The following IRGM variants were observed in gnomAD, a reference collection of about 807,000 sequenced individuals.
IRGM encodes the protein immunity-related GTPase family M protein.
For synonymous variants in IRGM, 98 were observed against 80.6 expected (o/e 1.22, Z -1.16); for missense variants, 288 against 219.9 (o/e 1.31, Z -1.96).
chr5:150,869,307 C>T (rs1754248662), intron 1 of IRGM, among the ~76,000 whole-genome samples: 1 of 152,080 alleles, frequency 6.6e-6, no homozygotes, highest in Admixed American at 6.5e-5. Flanking sequence ...ATTAAACTAT[C>T]CCTGTGTCCC....
chr5:150,873,353 C>T (rs182539880), intron 1 of IRGM, among the ~76,000 whole-genome samples: 127 of 152,292 alleles, frequency 8.3e-4, no homozygotes, highest in Non-Finnish European at 1.6e-3. Context: ...CCTAGAACCC[C>T]TTCAATGAAG....
chr5:150,868,123 T>C (rs1754232648), intron 1 of IRGM, among the ~76,000 whole-genome samples: 1 of 152,218 alleles, frequency 6.6e-6, no homozygotes, highest in Non-Finnish European at 1.5e-5. Context: ...CTTAAGTCTT[T>C]GATCCATCTT....
At chr5:150,888,590 G>A (rs1046617009) in intron 3 of IRGM, among the ~76,000 whole-genome samples, 9 of 151,816 alleles carry the variant, frequency 5.9e-5, no homozygotes, top group Non-Finnish European at 1.3e-4. Context: ...GCAAAAGAAC[G>A]AAAATTATAC....
chr5:150,889,909 TATA>T (rs2113298601), intron 3 of IRGM, among the ~76,000 whole-genome samples: 1 of 152,234 alleles, frequency 6.6e-6, no homozygotes, highest in Admixed American at 6.6e-5. Context: ...TTATCCTTTT[TATA>T]TAATGTGATA....
At chr5:150,864,321 A>G (rs1170593611) in intron 1 of IRGM, among the ~76,000 whole-genome samples, 1 of 152,016 alleles carries the variant, frequency 6.6e-6, no homozygotes, top group East Asian at 1.9e-4. Context: ...TCATTTCCTT[A>G]TTAAAATTAA....
chr5:150,860,511 G>A (rs1032249789), intron 1 of IRGM, among the ~76,000 whole-genome samples: 6 of 152,186 alleles, frequency 3.9e-5, no homozygotes, highest in African/African-American at 1.4e-4. Flanking sequence ...ATGCCCATGT[G>A]TACGCTGTTA....
chr5:150,881,476 T>A (rs185070970), intron 3 of IRGM, among the ~76,000 whole-genome samples: 321 of 152,092 alleles, frequency 2.1e-3, no homozygotes, highest in African/African-American at 7.4e-3. Flanking sequence ...AAAAAAATGC[T>A]AAAGAGAGTT....
chr5:150,894,448 G>A (rs945287276), intron 3 of IRGM: 4 of 152,146 alleles, frequency 2.6e-5, no homozygotes, highest in African/African-American at 9.7e-5. Context: ...ATAAATCCAA[G>A]TATTAAAAAA....
At chr5:150,879,318 G>C (rs1754411265) in intron 2 of IRGM, among the ~76,000 whole-genome samples, 1 of 152,110 alleles carries the variant, frequency 6.6e-6, no homozygotes, top group Non-Finnish European at 1.5e-5. Context: ...ACATAAATGT[G>C]CATTGAAACA....
chr5:150,848,550 A>T lies in IRGM; in HGVS notation c.427A>T (p.Ile143Phe). 6.4e-7 allele frequency: 1 copy of T among 1,551,842 alleles called. No homozygotes were observed. Among genetic ancestry groups the T allele is most frequent in the Admixed American group, 2.0e-5 (1 of 51,002 alleles). The change falls in exon 2 of 2, where the codon ATT becomes TTT. Residue 143 changes from isoleucine (I) to phenylalanine (F), a missense_variant. Physicochemically the swap from Ile to Phe is conservative, Grantham distance 21. Coordinates refer to ENST00000522154, the MANE Select transcript of IRGM (RefSeq NM_001145805.2). The part of the protein sequence containing the change: ...TAEDMGKKFY[I>F]VWTKLDMDLS... The stretch of plus-strand genomic sequence containing the variant: ...TGAGGACATGGGAAAGAAGTTCTAC[A>T]TTGTCTGGACCAAGCTAGACATGGA...
chr5:150,899,305 TA>T (rs1374151428), intron 3 of IRGM, among the ~76,000 whole-genome samples: 1 of 151,842 alleles, frequency 6.6e-6, no homozygotes, highest in Non-Finnish European at 1.5e-5. Flanking sequence ...TCTGATGGAA[TA>T]AAAATTTAAA....
chr5:150,859,722 T>G (rs1006074255), intron 1 of IRGM, among the ~76,000 whole-genome samples: 3 of 152,210 alleles, frequency 2.0e-5, no homozygotes, highest in Non-Finnish European at 4.4e-5. Flanking sequence ...CATAGAGGTG[T>G]TTATAGTATT....
At chr5:150,897,666 G>A (rs1754842863) in intron 3 of IRGM, 1 of 186,312 alleles carries the variant, frequency 5.4e-6, no homozygotes, top group Non-Finnish European at 1.1e-5. Context: ...ACAGTTGCAT[G>A]CTCTGAAAAA....
Position 150,848,010 on chromosome 5 carries a change from C to T in IRGM, c.-114C>T, listed in dbSNP as rs1753901809. 6.4e-6 allele frequency: 5 copies of T among 783,972 alleles called. No individual in the cohort carries two copies. The South Asian group carries it at 9.4e-5, about 15-fold the overall frequency. 48.6% of individuals were successfully genotyped at this position (783,972 alleles called of 1,614,324 possible). On this transcript the variant is annotated 5_prime_UTR_variant, in exon 2 of 2. Coordinates refer to ENST00000522154, the MANE Select transcript of IRGM (RefSeq NM_001145805.2). ...AGTAGAGAAGGTTTCACGATGTTGG[C>T]CAGGATGGTCTCAATCTCCTGACCT...
intron 3 of IRGM, chr5:150,896,165 GCATT>G: frequency 2.5e-6 from 4 of 1,612,918 alleles, no homozygotes; most frequent in Non-Finnish European, 3.4e-6. Flanking sequence ...AGGCTTTCCC[GCATT>G]CACTACATTC....
intron 3 of IRGM, among the ~76,000 whole-genome samples, chr5:150,887,137 C>T (rs76458666): frequency 0.028 from 4,312 of 151,866 alleles, 151 homozygotes; most frequent in South Asian, 0.077. Flanking sequence ...TGGACAGAAA[C>T]AAAGATCATG....
intron 1 of IRGM, among the ~76,000 whole-genome samples, chr5:150,873,057 G>A (rs940237689): frequency 6.6e-6 from 1 of 152,172 alleles, no homozygotes; most frequent in Non-Finnish European, 1.5e-5. Flanking sequence ...GAGGTGGCAC[G>A]AGCCAAGTGG....
At chr5:150,869,403 G>A (rs1484865982) in intron 1 of IRGM, among the ~76,000 whole-genome samples, 1 of 152,030 alleles carries the variant, frequency 6.6e-6, no homozygotes, top group Non-Finnish European at 1.5e-5. Context: ...GAGGATTTTT[G>A]TATCTATGTT....
chr5:150,885,779 T>G (rs1237636444), intron 3 of IRGM, among the ~76,000 whole-genome samples: 2 of 152,174 alleles, frequency 1.3e-5, no homozygotes, highest in African/African-American at 4.8e-5. Flanking sequence ...TCCTGAAACT[T>G]GCTAAAGTTG....
Sources: allele counts gnomAD v4.1 joint callset (sites outside exome capture counted in the v4.1 genomes callset), GRCh38; gene constraint gnomAD v4.1.1; transcripts MANE v1.5; gene names NCBI Gene and HGNC (gene_info 2026-07-23, HGNC 2026-07-21).